Variants in MTUS1 observed in about 807,000 individuals in gnomAD.
MTUS1 encodes microtubule associated scaffold protein 1.
In MTUS1, 109 loss-of-function variants were observed where a neutral mutation model predicts 120.8. That is an observed-to-expected ratio of 0.90 (90% CI 0.77 to 1.06). The LOEUF is 1.06. MTUS1 is among the 50% of genes least tolerant of loss of function. The pLI, the probability that MTUS1 is intolerant of heterozygous loss-of-function variation, is 0.00. For synonymous variants in MTUS1, 737 were observed against 550.5 expected (o/e 1.34, Z -4.74); for missense variants, 2,210 against 1,486.3 (o/e 1.49, Z -8.01).
chr8:17,719,211 C>G (rs759823363), intron 4 of MTUS1, among the ~76,000 whole-genome samples: 12 of 152,174 alleles, frequency 7.9e-5, no homozygotes, highest in Admixed American at 2.0e-4. Flanking sequence ...AGACTTTTAT[C>G]TGCAAACTAA....
chr8:17,709,062 G>A lies in MTUS1; in HGVS notation c.2623+4152C>T, dbSNP rs562267337. ...TAAGGCAGGAGAACGGCGTGAACCA[G>A]GGAGGCAGAGCTTGCAGTGAGCAGA... On this transcript the variant is annotated intron_variant, in intron 6 of 14. Transcript: ENST00000693296. The A allele has an allele frequency of 7.9e-5, 12 of 152,202 alleles. No homozygotes were observed. The East Asian group carries it at 2.1e-3, about 27-fold the overall frequency. The allele number at this position is 152,202 out of a possible 1,614,324, so 9.4% of individuals were successfully genotyped here.
At chr8:17,655,154 G>C in intron 9 of MTUS1, 1 of 156,056 alleles carries the variant, frequency 6.4e-6, no homozygotes, top group East Asian at 1.9e-4. Flanking sequence ...CCTAGCATGT[G>C]CCTGGCCTGG....
chr8:17,752,545 A>G (rs1445819159), intron 2 of MTUS1, among the ~76,000 whole-genome samples: 1 of 152,228 alleles, frequency 6.6e-6, no homozygotes, highest in Non-Finnish European at 1.5e-5. Context: ...AAGCCCAAAC[A>G]TGTCTAAACT....
chr8:17,657,969 GCATATA>G lies in MTUS1; in HGVS notation c.2906-1910_2906-1905del, dbSNP rs531506216. Among the ~76,000 whole-genome samples, 375 of 142,966 alleles carry G rather than the reference GCATATA, an allele frequency of 2.6e-3. 2 individuals are homozygous for G. Among genetic ancestry groups the G allele is most frequent in the African/African-American group, 8.7e-3 (340 of 39,176 alleles). The allele number at this position is 142,966 out of a possible 152,430, so 93.8% of individuals were successfully genotyped here. ...TACATATATGTATGCATATATACAT[GCATATA>G]CATATACATATATAATACATATATA... On this transcript the variant is annotated intron_variant, in intron 8 of 14. Coordinates refer to ENST00000693296, the MANE Select transcript of MTUS1 (RefSeq NM_001363059.2).
chr8:17,755,388 C>T lies in MTUS1; in HGVS notation c.420G>A (p.Trp140Ter). ...CACAGTTCAAATTGTCATTAGGCTT[C>T]CACACAAAAGGCAAAGATGGCTCAA... ...QSVEPSLPFV[W>*]KPNDNLNCAG... The change falls in exon 2 of 15, where the codon TGG (tryptophan) becomes TGA (stop). Residue 140 changes from tryptophan to a stop codon, truncating the protein, a stop_gained. Coordinates refer to ENST00000693296, the MANE Select transcript of MTUS1 (RefSeq NM_001363059.2). LOFTEE classifies it high-confidence loss of function. The T allele has an allele frequency of 6.2e-7, 1 of 1,614,174 alleles. No homozygotes were observed. Among genetic ancestry groups the T allele is most frequent in the Non-Finnish European group, 8.5e-7 (1 of 1,180,026 alleles).
intron 4 of MTUS1, chr8:17,722,181 A>C (rs2045895986): frequency 1.9e-6 from 2 of 1,073,034 alleles, no homozygotes; most frequent in East Asian, 1.3e-4. Flanking sequence ...GAATGGACAA[A>C]AGCACTTTAC....
intron 1 of MTUS1, among the ~76,000 whole-genome samples, chr8:17,785,181 T>C (rs923447977): frequency 6.6e-6 from 1 of 151,882 alleles, no homozygotes; most frequent in Non-Finnish European, 1.5e-5. Flanking sequence ...CTGAACAAGA[T>C]GGTCCCAGCC....
chr8:17,650,786 C>T (rs1014145943), intron 12 of MTUS1, among the ~76,000 whole-genome samples: 22 of 152,140 alleles, frequency 1.4e-4, no homozygotes, highest in African/African-American at 4.8e-4. Flanking sequence ...GTGGATTTCC[C>T]ACCACCGCCC....
intron 6 of MTUS1, among the ~76,000 whole-genome samples, chr8:17,705,473 T>C (rs531215726): frequency 3.3e-5 from 5 of 152,340 alleles, no homozygotes; most frequent in South Asian, 4.1e-4. Context: ...GCTAAAAAGG[T>C]AGTCACTGTC....
At chr8:17,730,095 C>G (rs2046465475) in intron 3 of MTUS1, among the ~76,000 whole-genome samples, 1 of 152,036 alleles carries the variant, frequency 6.6e-6, no homozygotes, top group South Asian at 2.1e-4. Context: ...GGTGTAGCCA[C>G]TGTGGAAATG....
intron 3 of MTUS1, among the ~76,000 whole-genome samples, chr8:17,735,363 C>G (rs1011582332): frequency 6.6e-6 from 1 of 152,202 alleles, no homozygotes; most frequent in Non-Finnish European, 1.5e-5. Flanking sequence ...GCCAGACACT[C>G]TGTCTCCTAA....
At chr8:17,721,340 T>A (rs1329202382) in intron 4 of MTUS1, among the ~76,000 whole-genome samples, 2 of 152,248 alleles carry the variant, frequency 1.3e-5, no homozygotes, top group Non-Finnish European at 2.9e-5. Flanking sequence ...AAAGATGTGA[T>A]GTTTCCATTT....
chr8:17,699,662 A>G (rs927266243), intron 6 of MTUS1, among the ~76,000 whole-genome samples: 1 of 152,252 alleles, frequency 6.6e-6, no homozygotes, highest in African/African-American at 2.4e-5. Context: ...ATTGTTAATG[A>G]TATCTCTTAA....
intron 1 of MTUS1, among the ~76,000 whole-genome samples, chr8:17,760,977 C>T (rs1457749383): frequency 6.6e-6 from 1 of 151,950 alleles, no homozygotes; most frequent in African/African-American, 2.4e-5. Flanking sequence ...GCAGAATGAT[C>T]AAGTTTCCTT....
At chr8:17,694,119 G>A (rs144187363) in intron 6 of MTUS1, among the ~76,000 whole-genome samples, 159 of 152,224 alleles carry the variant, frequency 1.0e-3, no homozygotes, top group African/African-American at 3.7e-3. Context: ...TAGAGACAGG[G>A]TCTCATTAAC....
chr8:17,710,720 G>A (rs1821110992), intron 6 of MTUS1, among the ~76,000 whole-genome samples: 1 of 152,092 alleles, frequency 6.6e-6, no homozygotes, highest in Non-Finnish European at 1.5e-5. Flanking sequence ...AACTGACTTT[G>A]CCCCGTTCCA....
At chr8:17,788,170 T>C (rs2051465649) in intron 1 of MTUS1, among the ~76,000 whole-genome samples, 1 of 152,212 alleles carries the variant, frequency 6.6e-6, no homozygotes, top group South Asian at 2.1e-4. Flanking sequence ...GTATCTTGAT[T>C]GGTGTGATCG....
At chr8:17,743,822 T>G in intron 2 of MTUS1, 23 bp from the exon 3 acceptor site, 1 of 1,598,010 alleles carries the variant, frequency 6.3e-7, no homozygotes, top group Non-Finnish European at 8.5e-7. Context: ...CAGTTAAGAC[T>G]GTAAACCAAA....
chr8:17,712,281 A>C (rs1007337450), intron 6 of MTUS1, among the ~76,000 whole-genome samples: 7 of 152,138 alleles, frequency 4.6e-5, no homozygotes, highest in African/African-American at 1.7e-4. Context: ...CTGTATATAA[A>C]ATAAGACAAT....
Sources: allele counts gnomAD v4.1 joint callset (sites outside exome capture counted in the v4.1 genomes callset), GRCh38; gene constraint gnomAD v4.1.1; transcripts MANE v1.5; gene names NCBI Gene and HGNC (gene_info 2026-07-23, HGNC 2026-07-21).